Variants in GNG7 observed in about 807,000 individuals in gnomAD.
The protein encoded by GNG7 is G protein subunit gamma 7.
Under a neutral mutation model 4.0 loss-of-function variants are expected in GNG7, and 1 was observed. That is an observed-to-expected ratio of 0.25 (90% CI 0.09 to 1.18). The LOEUF (loss-of-function observed/expected upper bound fraction) is 1.18, where lower values mean the gene tolerates loss of function less well. Ranked by LOEUF, GNG7 falls within the 50% of genes most tolerant of loss-of-function variation. The probability of loss-of-function intolerance (pLI) is 0.50; values close to 1 mark genes in which losing one functional copy is unlikely to be tolerated. For missense variants in GNG7, 86 were observed against 91.9 expected (o/e 0.94, Z 0.26); for synonymous variants, 34 against 36.9 (o/e 0.92, Z 0.29).
intron 3 of GNG7, among the ~76,000 whole-genome samples, chr19:2,527,374 C>G (rs1978439301): frequency 6.6e-6 from 1 of 152,180 alleles, no homozygotes. Flanking sequence ...TGTCGCGCAT[C>G]CCTCCAGGAA....
At position 2,653,341 on chromosome 19, in the gene GNG7, A is replaced by G. The variant is rs1007160330; in HGVS notation, c.-134-7061T>C. On this transcript the variant is annotated intron_variant, in intron 1 of 4. Coordinates refer to ENST00000382159, the MANE Select transcript of GNG7 (RefSeq NM_052847.3). The surrounding 1 kb of genome is among the most constrained non-coding windows in gnomAD (Gnocchi z 4.8). ...CAACAGACAAACACAGAGCTGGGAA[A>G]TTCCGCAGCAGGGCAGATGAGGGAT... Among the ~76,000 whole-genome samples the G allele has an allele frequency of 6.6e-6, 1 of 152,158 alleles. No individual in the cohort carries two copies. Among genetic ancestry groups the G allele is most frequent in the African/African-American group, 2.4e-5 (1 of 41,434 alleles).
intron 3 of GNG7, among the ~76,000 whole-genome samples, chr19:2,536,058 G>C (rs1008176223): frequency 6.6e-6 from 1 of 152,092 alleles, no homozygotes; most frequent in African/African-American, 2.4e-5. Flanking sequence ...CCAGGAGTTG[G>C]AGGCTGCGGT....
intron 4 of GNG7, 93 bp downstream of exon 4, chr19:2,520,515 C>T: frequency 2.9e-6 from 2 of 695,352 alleles, no homozygotes; most frequent in Non-Finnish European, 5.2e-6. Flanking sequence ...AGTTGGGGTG[C>T]AAGCCTCTGC....
chr19:2,538,836 T>G, intron 3 of GNG7: 2 of 308,806 alleles, frequency 6.5e-6, no homozygotes, highest in Non-Finnish European at 1.3e-5. Flanking sequence ...TGGCGCAATC[T>G]CAGCTCACTG....
At chr19:2,619,258 C>T (rs1981803315) in intron 2 of GNG7, among the ~76,000 whole-genome samples, 1 of 152,196 alleles carries the variant, frequency 6.6e-6, no homozygotes, top group Non-Finnish European at 1.5e-5. Context: ...TGGACCACAT[C>T]TAGCTGACTG....
At chr19:2,532,001 A>C (rs1326777006) in intron 3 of GNG7, among the ~76,000 whole-genome samples, 1 of 151,600 alleles carries the variant, frequency 6.6e-6, no homozygotes, top group South Asian at 2.1e-4. Context: ...AACACAAAAA[A>C]TTAGCCGGGC....
Position 2,522,837 on chromosome 19 carries a change from G to A in GNG7, c.-37-2112C>T, listed in dbSNP as rs988800782. Among the ~76,000 whole-genome samples, 6 of 150,860 alleles carry A rather than the reference G, an allele frequency of 4.0e-5. No homozygotes were observed. In the Admixed American group the frequency reaches 4.0e-4, roughly 10 times the overall value. On this transcript the variant is annotated intron_variant, in intron 3 of 4. Transcript: ENST00000382159. ...CAGGGGAATCTCCAGGGCCTGGGAT[G>A]TGTAGCATGCTTCTGTTTGTGTAAT...
At chr19:2,537,814 G>A (rs1309896825) in intron 3 of GNG7, among the ~76,000 whole-genome samples, 1 of 152,122 alleles carries the variant, frequency 6.6e-6, no homozygotes, top group African/African-American at 2.4e-5. Flanking sequence ...AATTTCAAAA[G>A]AACATAATGA....
At chr19:2,684,381 T>C (rs1033749103) in intron 1 of GNG7, among the ~76,000 whole-genome samples, 18 of 151,372 alleles carry the variant, frequency 1.2e-4, no homozygotes, top group African/African-American at 3.4e-4. Flanking sequence ...GTGATCCGCC[T>C]GCCTCAGGCT....
At position 2,634,610 on chromosome 19, in the gene GNG7, C is replaced by G. The variant is rs928313940; in HGVS notation, c.-78+11614G>C. 1.3e-5 allele frequency among the ~76,000 whole-genome samples: 2 copies of G among 152,074 alleles called. No individual in the cohort carries two copies. Among genetic ancestry groups the G allele is most frequent in the African/African-American group, 4.8e-5 (2 of 41,394 alleles). On this transcript the variant is annotated intron_variant, in intron 2 of 4. Transcript: ENST00000382159. This position sits in a 1 kb window ranked among gnomAD's most constrained non-coding sequence, Gnocchi z 5.3. Reference sequence around the variant, plus strand: ...TGCGGGCTGCACACACGTTTTCTCTCGGGGAGGGTGGTAGCAATGAGCTGT... The same window carrying G: ...TGCGGGCTGCACACACGTTTTCTCTGGGGGAGGGTGGTAGCAATGAGCTGT...
At position 2,541,103 on chromosome 19, in the gene GNG7, A is replaced by G. The variant is rs1354809416; in HGVS notation, c.-38+14046T>C. Among the ~76,000 whole-genome samples, 7 of 152,316 alleles carry G rather than the reference A, an allele frequency of 4.6e-5. No homozygotes were observed. In the East Asian group the frequency reaches 1.2e-3, roughly 25 times the overall value. ...CGGCTCCTGGGCCTGGCGGCCAGAG[A>G]GGCGAGGGAGCGGGAGCTACCGAGG... On this transcript the variant is annotated intron_variant, in intron 3 of 4. Transcript: ENST00000382159.
intron 3 of GNG7, among the ~76,000 whole-genome samples, chr19:2,536,940 ATT>A (rs1329534029): frequency 6.8e-6 from 1 of 147,770 alleles, no homozygotes; most frequent in African/African-American, 2.5e-5. Context: ...ACATATTTTT[ATT>A]TTTATTTTTA....
chr19:2,565,932 C>T (rs951126098), intron 2 of GNG7, among the ~76,000 whole-genome samples: 3 of 152,050 alleles, frequency 2.0e-5, no homozygotes, highest in Non-Finnish European at 4.4e-5. Context: ...CCAGGGCAGG[C>T]GGATCATCTG....
Position 2,557,150 on chromosome 19 carries a change from GCACACAAAGACACGCGCACACACGTA to G in GNG7, c.-77-1988_-77-1963del, listed in dbSNP as rs1168076833. ...ACGTGTACTGCACACTCACGCACAT[GCACACAAAGACACGCGCACACACGTA>G]CACACAAGACACGTGCACACACATT... On this transcript the variant is annotated intron_variant, in intron 2 of 4. Transcript: ENST00000382159. The surrounding 1 kb of genome is among the most constrained non-coding windows in gnomAD (Gnocchi z 5.1). Among the ~76,000 whole-genome samples the G allele has an allele frequency of 6.7e-6, 1 of 150,186 alleles. No individual in the cohort carries two copies. The highest frequency in any genetic ancestry group is 1.5e-5 in the Non-Finnish European group (1 of 67,754).
chr19:2,530,524 C>A (rs572799825), intron 3 of GNG7, among the ~76,000 whole-genome samples: 5 of 151,468 alleles, frequency 3.3e-5, no homozygotes, highest in African/African-American at 9.7e-5. Context: ...AGTTTGAGAC[C>A]AGCCTGGCCA....
At chr19:2,645,243 CTTTT>C (rs10674864) in intron 2 of GNG7, among the ~76,000 whole-genome samples, 2 of 135,520 alleles carry the variant, frequency 1.5e-5, no homozygotes, top group Non-Finnish European at 1.5e-5. Flanking sequence ...CTCTCTCTCT[CTTTT>C]TTTTTTTTTT....
At chr19:2,541,206 C>T (rs892500072) in intron 3 of GNG7, among the ~76,000 whole-genome samples, 13 of 152,266 alleles carry the variant, frequency 8.5e-5, no homozygotes, top group East Asian at 1.9e-4. Context: ...TGCGGTGGCT[C>T]GTGCCTGTAA....
chr19:2,588,597 T>G (rs1341839039), intron 2 of GNG7, among the ~76,000 whole-genome samples: 1 of 152,158 alleles, frequency 6.6e-6, no homozygotes, highest in East Asian at 1.9e-4. Flanking sequence ...GGGCCGTATT[T>G]CTTAGCCATC....
intron 3 of GNG7, among the ~76,000 whole-genome samples, chr19:2,542,323 C>T (rs1978989782): frequency 6.6e-6 from 1 of 151,850 alleles, no homozygotes; most frequent in African/African-American, 2.4e-5. Context: ...ACCATGTTGC[C>T]CAGGCTGGTC....
Sources: allele counts gnomAD v4.1 joint callset (sites outside exome capture counted in the v4.1 genomes callset), GRCh38; gene constraint gnomAD v4.1.1; non-coding constraint Gnocchi (gnomAD v3.1); transcripts MANE v1.5; gene names NCBI Gene and HGNC (gene_info 2026-07-23, HGNC 2026-07-21).